CACNA2D3: variants seen among roughly 807,000 people sequenced by gnomAD.
The protein encoded by CACNA2D3 is calcium voltage-gated channel auxiliary subunit alpha2delta 3.
A neutral mutation model predicts 160.6 loss-of-function variants in CACNA2D3; 60 were observed. The observed-to-expected ratio is 0.37, with a 90% CI of 0.30 to 0.46. The LOEUF is 0.46. CACNA2D3 is among the 20% of genes least tolerant of loss of function. The probability of loss-of-function intolerance (pLI) is 1.00; values close to 1 mark genes in which losing one functional copy is unlikely to be tolerated. For missense variants in CACNA2D3, 1,205 were observed against 1,365.0 expected (o/e 0.88, Z 1.85); for synonymous variants, 558 against 492.9 (o/e 1.13, Z -1.75).
intron 2 of CACNA2D3, among the ~76,000 whole-genome samples, chr3:54,176,249 T>G (rs1436589002): frequency 6.6e-6 from 1 of 152,224 alleles, no homozygotes; most frequent in Non-Finnish European, 1.5e-5. Flanking sequence ...CTTTTCTTCT[T>G]TCCTCGCTCC....
At chr3:54,618,854 G>A (rs79668344) in intron 9 of CACNA2D3, among the ~76,000 whole-genome samples, 12 of 152,144 alleles carry the variant, frequency 7.9e-5, no homozygotes, top group Admixed American at 7.2e-4. Context: ...CTATCAATAC[G>A]TACCTCTTCT....
At chr3:54,537,056 T>A (rs889007845) in intron 5 of CACNA2D3, among the ~76,000 whole-genome samples, 4 of 151,814 alleles carry the variant, frequency 2.6e-5, no homozygotes, top group African/African-American at 9.7e-5. Flanking sequence ...ATCAGCTAAG[T>A]ATTGTTATCC....
At chr3:54,193,310 A>G (rs1269348824) in intron 2 of CACNA2D3, among the ~76,000 whole-genome samples, 1 of 152,154 alleles carries the variant, frequency 6.6e-6, no homozygotes, top group Admixed American at 6.5e-5. Flanking sequence ...GCTGTGACCA[A>G]TTACTCAGTA....
At chr3:54,372,736 C>T (rs765625675) in intron 3 of CACNA2D3, among the ~76,000 whole-genome samples, 5 of 152,244 alleles carry the variant, frequency 3.3e-5, no homozygotes, top group East Asian at 3.9e-4. Context: ...GTATGAATAA[C>T]GTTCCATAAA....
At chr3:54,757,395 T>A (rs1009474313) in intron 12 of CACNA2D3, among the ~76,000 whole-genome samples, 3 of 152,128 alleles carry the variant, frequency 2.0e-5, no homozygotes, top group African/African-American at 7.2e-5. Context: ...CAGCTCCTAA[T>A]CTTTTTTCAA....
At chr3:54,532,278 T>A (rs558834184) in intron 5 of CACNA2D3, among the ~76,000 whole-genome samples, 19 of 152,318 alleles carry the variant, frequency 1.2e-4, no homozygotes, top group Non-Finnish European at 2.6e-4. Flanking sequence ...CACAGAAACA[T>A]GTGCTGCATT....
intron 34 of CACNA2D3, among the ~76,000 whole-genome samples, chr3:55,013,933 G>A (rs358025): frequency 2.2e-4 from 34 of 152,254 alleles, no homozygotes; most frequent in East Asian, 7.7e-4. Context: ...TCAGTTGTGC[G>A]GACGCTCCCT....
Position 54,861,811 on chromosome 3 carries a change from C to T in CACNA2D3, c.1627-9728C>T, listed in dbSNP as rs1699297436. 2.6e-5 allele frequency among the ~76,000 whole-genome samples: 4 copies of T among 152,204 alleles called. No homozygotes were observed. The South Asian group carries it at 8.3e-4, about 32-fold the overall frequency. On this transcript the variant is annotated intron_variant, in intron 17 of 37. Coordinates refer to ENST00000474759, the MANE Select transcript of CACNA2D3 (RefSeq NM_018398.3). ...ACGCCACTTTCTCTGATTATACTCACCCATTCCAGCTCCTGCCTGTGTTTC... is the reference window on the plus strand; with the variant it reads ...ACGCCACTTTCTCTGATTATACTCATCCATTCCAGCTCCTGCCTGTGTTTC...
At chr3:54,229,034 T>C (rs1701722725) in intron 2 of CACNA2D3, among the ~76,000 whole-genome samples, 2 of 152,240 alleles carry the variant, frequency 1.3e-5, no homozygotes, top group African/African-American at 4.8e-5. Context: ...CAGGAATGAA[T>C]GCATACGTTT....
chr3:54,570,559 A>G (rs1702479716), intron 8 of CACNA2D3, among the ~76,000 whole-genome samples: 1 of 152,176 alleles, frequency 6.6e-6, no homozygotes, highest in African/African-American at 2.4e-5. Context: ...AGAGCACTTT[A>G]TGGCTCACAG....
intron 2 of CACNA2D3, among the ~76,000 whole-genome samples, chr3:54,290,635 A>G (rs4928037): frequency 0.25 from 37,810 of 148,862 alleles, 4,375 homozygotes; most frequent in East Asian, 0.35. Context: ...CACTATTCAC[A>G]ATAGCAAAGA....
chr3:54,667,748 C>T (rs1700092163), intron 11 of CACNA2D3, among the ~76,000 whole-genome samples: 2 of 152,052 alleles, frequency 1.3e-5, no homozygotes, highest in South Asian at 2.1e-4. Context: ...ACTTCAAGAT[C>T]AACCTGTGTA....
chr3:54,615,271 T>TA (rs1186600114), intron 9 of CACNA2D3, among the ~76,000 whole-genome samples: 1 of 152,090 alleles, frequency 6.6e-6, no homozygotes, highest in African/African-American at 2.4e-5. Context: ...TGGAGGGAAG[T>TA]AAAAAAACAT....
At chr3:54,750,082 CAA>C (rs749063573) in intron 11 of CACNA2D3, among the ~76,000 whole-genome samples, 28 of 152,280 alleles carry the variant, frequency 1.8e-4, no homozygotes, top group Non-Finnish European at 3.7e-4. Flanking sequence ...ACTGGTTTTC[CAA>C]ATAGGTTGCC....
intron 29 of CACNA2D3, among the ~76,000 whole-genome samples, chr3:54,979,403 T>A (rs1323386783): frequency 6.6e-6 from 1 of 152,228 alleles, no homozygotes; most frequent in African/African-American, 2.4e-5. Flanking sequence ...CTTACTGCAT[T>A]TATGCAAATA....
At chr3:54,136,508 T>C (rs531554854) in intron 2 of CACNA2D3, among the ~76,000 whole-genome samples, 3 of 152,362 alleles carry the variant, frequency 2.0e-5, no homozygotes, top group East Asian at 3.9e-4. Flanking sequence ...CAAACATCCA[T>C]TGAATACTCA....
rs1553814090 is a variant in CACNA2D3 at position 54,736,042 on chromosome 3, TATAC to T, written c.1168-16555_1168-16552del. 3.1e-3 allele frequency among the ~76,000 whole-genome samples: 147 copies of T among 47,812 alleles called. 18 individuals are homozygous for T. Among genetic ancestry groups the T allele is most frequent in the African/African-American group, 8.4e-3 (124 of 14,686 alleles). The allele number at this position is 47,812 out of a possible 152,430, so 31.4% of individuals were successfully genotyped here. A position where few individuals can be genotyped will look rare whatever the true frequency, so the allele number is the denominator to read the frequency against. ...ACACATACATATATATATGTATATA[TATAC>T]ACATACATATGTATGTATATATATA... On this transcript the variant is annotated intron_variant, in intron 11 of 37. Coordinates refer to ENST00000474759, the MANE Select transcript of CACNA2D3 (RefSeq NM_018398.3).
chr3:54,905,628 C>T (rs1239135325), intron 27 of CACNA2D3, among the ~76,000 whole-genome samples: 1 of 152,116 alleles, frequency 6.6e-6, no homozygotes, highest in African/African-American at 2.4e-5. Flanking sequence ...GGTGATTTTG[C>T]CACCAGGGGA....
rs1337978913 is a variant in CACNA2D3, at chr3:54,663,411, G to A, written c.1167+21170G>A. The stretch of plus-strand genomic sequence containing the variant: ...ACCCCTCATGCCTTCATGGCCCTGG[G>A]CCTCTCAGTTATGTATGTGATGACT... On this transcript the variant is annotated intron_variant, in intron 11 of 37. Coordinates refer to ENST00000474759, the MANE Select transcript of CACNA2D3 (RefSeq NM_018398.3). Among the ~76,000 whole-genome samples, 6 of 152,166 alleles carry A rather than the reference G, an allele frequency of 3.9e-5. No homozygotes were observed. In the East Asian group the frequency reaches 9.7e-4, roughly 25 times the overall value.
Sources: allele counts gnomAD v4.1 joint callset (sites outside exome capture counted in the v4.1 genomes callset), GRCh38; gene constraint gnomAD v4.1.1; transcripts MANE v1.5; gene names NCBI Gene and HGNC (gene_info 2026-07-23, HGNC 2026-07-21).